CTNNA3: variants seen among roughly 807,000 people sequenced by gnomAD.
CTNNA3 encodes the protein catenin alpha 3.
CTNNA3 carries 76 observed loss-of-function variants against 95.7 expected under a neutral mutation model. The observed-to-expected ratio is 0.79, with a 90% CI of 0.66 to 0.96. The LOEUF is 0.96. Ranked by LOEUF, CTNNA3 falls within the 40% of genes least tolerant of loss-of-function variation. CTNNA3 has a pLI of 0.00. For missense variants in CTNNA3, 1,191 were observed against 1,089.8 expected, an observed-to-expected ratio of 1.09 and a Z score of -1.31; for synonymous variants, 431 against 374.4, an observed-to-expected ratio of 1.15 and a Z score of -1.74.
rs375621267 is a variant in CTNNA3, at chr10:67,124,367, TG to T, written c.1047+55949del. On this transcript the variant is annotated intron_variant, in intron 7 of 17. Coordinates refer to ENST00000433211, the MANE Select transcript of CTNNA3 (RefSeq NM_013266.4). ...GTGTGTGTGTGTGTGTGTGTGTGTG[TG>T]TGTGTGGTCTATAAATGACTGTGGA... Among the ~76,000 whole-genome samples the T allele has an allele frequency of 6.1e-3, 921 of 150,902 alleles. 7 individuals are homozygous for T. The highest frequency in any genetic ancestry group is 0.021 in the Middle Eastern group (6 of 292).
chr10:66,326,745 T>C (rs557067779), intron 12 of CTNNA3, among the ~76,000 whole-genome samples: 2 of 152,130 alleles, frequency 1.3e-5, no homozygotes, highest in African/African-American at 4.8e-5. Context: ...TAGCAGATTG[T>C]TGCAACTTCT....
intron 7 of CTNNA3, among the ~76,000 whole-genome samples, chr10:66,856,139 GT>G (rs1433196608): frequency 3.3e-5 from 5 of 151,912 alleles, no homozygotes; most frequent in Admixed American, 6.6e-5. Flanking sequence ...TGTCTGTAAT[GT>G]TTAGTTCCCA....
chr10:66,069,790 T>C (rs2133602072), intron 14 of CTNNA3, among the ~76,000 whole-genome samples: 1 of 152,280 alleles, frequency 6.6e-6, no homozygotes, highest in Non-Finnish European at 1.5e-5. Context: ...TCTAATACGC[T>C]TCAAATTTTA....
intron 7 of CTNNA3, among the ~76,000 whole-genome samples, chr10:67,091,899 A>G (rs961624003): frequency 2.0e-5 from 3 of 152,106 alleles, no homozygotes; most frequent in African/African-American, 7.2e-5. Flanking sequence ...TTTGAAACAA[A>G]TTTAAAGACA....
At chr10:65,979,322 C>A (rs548396742) in intron 16 of CTNNA3, among the ~76,000 whole-genome samples, 1 of 152,176 alleles carries the variant, frequency 6.6e-6, no homozygotes, top group African/African-American at 2.4e-5. Flanking sequence ...TACTTTTCAG[C>A]TTTATGTTAC....
At chr10:67,506,311 A>C (rs923246070) in intron 5 of CTNNA3, among the ~76,000 whole-genome samples, 1 of 152,208 alleles carries the variant, frequency 6.6e-6, no homozygotes, top group African/African-American at 2.4e-5. Flanking sequence ...GATGTATTTC[A>C]GTGTAAGTGT....
At chr10:66,514,615 C>A (rs1413131244) in intron 11 of CTNNA3, among the ~76,000 whole-genome samples, 1 of 152,096 alleles carries the variant, frequency 6.6e-6, no homozygotes, top group Non-Finnish European at 1.5e-5. Context: ...CACCACAGTT[C>A]TTTTGCAAGT....
chr10:66,780,232 C>T (rs1316462926), intron 7 of CTNNA3, among the ~76,000 whole-genome samples: 2 of 152,154 alleles, frequency 1.3e-5, no homozygotes, highest in Non-Finnish European at 2.9e-5. Context: ...ATGATACAAT[C>T]AGTCCATTAT....
chr10:67,331,429 G>C (rs1043679654), intron 5 of CTNNA3, among the ~76,000 whole-genome samples: 1 of 151,576 alleles, frequency 6.6e-6, no homozygotes, highest in African/African-American at 2.4e-5. Context: ...TTCATTTAAG[G>C]CTATTTAGAA....
At chr10:66,165,822 G>C (rs193136141) in intron 13 of CTNNA3, among the ~76,000 whole-genome samples, 1 of 151,860 alleles carries the variant, frequency 6.6e-6, no homozygotes, top group East Asian at 1.9e-4. Flanking sequence ...AGGCTGGAGC[G>C]CAGTGGTGCA....
At chr10:67,744,293 A>G (rs1246718599) in intron 1 of CTNNA3, among the ~76,000 whole-genome samples, 1 of 151,346 alleles carries the variant, frequency 6.6e-6, no homozygotes, top group Non-Finnish European at 1.5e-5. Context: ...TGGTACTGGT[A>G]CCAAAACAGA....
chr10:66,677,497 C>T lies in CTNNA3; in HGVS notation c.1282-55713G>A, dbSNP rs188320010. Among the ~76,000 whole-genome samples the T allele has an allele frequency of 7.9e-5, 12 of 152,126 alleles. No individual in the cohort carries two copies. The East Asian group carries it at 1.6e-3, about 20-fold the overall frequency. ...GGCTGTGTTCCCACCCAAATCTCAT[C>T]TTGAATTGTAGCACCCATAATTCCC... On this transcript the variant is annotated intron_variant, in intron 9 of 17. Coordinates refer to ENST00000433211, the MANE Select transcript of CTNNA3 (RefSeq NM_013266.4).
chr10:67,053,904 G>A (rs893215696), intron 7 of CTNNA3, among the ~76,000 whole-genome samples: 15 of 152,196 alleles, frequency 9.9e-5, no homozygotes, highest in Admixed American at 8.5e-4. Flanking sequence ...ATATTGTCAT[G>A]ATTACCTCCC....
chr10:66,830,709 C>A (rs368895494), intron 7 of CTNNA3, among the ~76,000 whole-genome samples: 3 of 151,968 alleles, frequency 2.0e-5, no homozygotes, highest in South Asian at 4.2e-4. Context: ...TCCTGGGTTC[C>A]CGCCATTCTC....
intron 1 of CTNNA3, among the ~76,000 whole-genome samples, chr10:67,709,359 A>G (rs992763181): frequency 2.6e-5 from 4 of 152,238 alleles, no homozygotes; most frequent in African/African-American, 9.6e-5. Context: ...GAAAATTATA[A>G]GCAGAACATA....
intron 13 of CTNNA3, among the ~76,000 whole-genome samples, chr10:66,251,942 G>A (rs1385847470): frequency 6.6e-6 from 1 of 152,044 alleles, no homozygotes; most frequent in African/African-American, 2.4e-5. Context: ...ACTAAGTGGT[G>A]GAACCAGGAT....
At chr10:66,310,930 A>G (rs2092011813) in intron 12 of CTNNA3, among the ~76,000 whole-genome samples, 1 of 152,036 alleles carries the variant, frequency 6.6e-6, no homozygotes, top group East Asian at 1.9e-4. Context: ...CTCATGATCC[A>G]CCCGCCTTGG....
intron 13 of CTNNA3, among the ~76,000 whole-genome samples, chr10:66,198,554 T>G (rs567792276): frequency 6.6e-6 from 1 of 152,132 alleles, no homozygotes; most frequent in Non-Finnish European, 1.5e-5. Context: ...CTGTGAATAA[T>G]AATAATGATC....
intron 14 of CTNNA3, among the ~76,000 whole-genome samples, chr10:66,077,333 A>G (rs1459937981): frequency 6.6e-6 from 1 of 151,830 alleles, no homozygotes; most frequent in African/African-American, 2.4e-5. Context: ...TGAAACACAA[A>G]TAACATTTTC....
Sources: allele counts gnomAD v4.1 joint callset (sites outside exome capture counted in the v4.1 genomes callset), GRCh38; gene constraint gnomAD v4.1.1; transcripts MANE v1.5; gene names NCBI Gene and HGNC (gene_info 2026-07-23, HGNC 2026-07-21).